The following TLR7 variants were observed in gnomAD, a reference collection of about 807,000 sequenced individuals.
The protein encoded by TLR7 is toll like receptor 7.
A neutral mutation model predicts 38.3 loss-of-function variants in TLR7; 12 were observed. The observed-to-expected ratio is 0.31, with a 90% CI of 0.20 to 0.51. The LOEUF is 0.51. TLR7 is among the 20% of genes least tolerant of loss of function. TLR7 has a pLI of 0.98. For synonymous variants in TLR7, 285 were observed against 293.8 expected, an observed-to-expected ratio of 0.97 and a Z score of 0.31; for missense variants, 504 against 743.4, an observed-to-expected ratio of 0.68 and a Z score of 3.74.
intron 2 of TLR7, among the ~76,000 whole-genome samples, chrX:12,884,127 T>C (rs755310192): frequency 8.4e-4 from 94 of 111,249 alleles, no homozygotes; most frequent in African/African-American, 3.0e-3. Context: ...TACAGTTGTG[T>C]GCCACCATGC....
rs1477540671 is a variant in TLR7, at chrX:12,886,614, T to A, written c.1106T>A (p.Leu369Gln). 8.3e-7 allele frequency: 1 copy of A among 1,210,666 alleles called. No homozygotes were observed. Among genetic ancestry groups the A allele is most frequent in the Non-Finnish European group, 1.1e-6 (1 of 895,409 alleles). ...AATCTATCACAAGCATTTTCTTCAC[T>A]GAAAAGCCTGAAAATTCTGCGGATC... ...SMNLSQAFSS[L>Q]KSLKILRIRG... is the part of the protein sequence containing the mutation. Residue 369 changes from leucine to glutamine, a missense_variant, in exon 3 of 3, where the codon CTG becomes CAG. Coordinates refer to ENST00000380659, the MANE Select transcript of TLR7 (RefSeq NM_016562.4).
chrX:12,885,586 G>A lies in TLR7; in HGVS notation c.78G>A (p.Gly26=). The A allele has an allele frequency of 8.3e-7, 1 of 1,210,857 alleles. No individual in the cohort carries two copies. The highest frequency in any genetic ancestry group is 1.1e-6 in the Non-Finnish European group (1 of 894,878). ...TAATCCTAATTTCCAAACTCCTTGG[G>A]GCTAGATGGTTTCCTAAAACTCTGC... The part of the protein sequence containing the change: ...FNIILISKLL[G]ARWFPKTLPC... The change falls in exon 3 of 3, where the codon GGG becomes GGA. Residue 26 remains glycine, a synonymous_variant. Transcript: ENST00000380659.
chrX:12,870,069 T>C (rs2042847280), intron 2 of TLR7, among the ~76,000 whole-genome samples: 1 of 110,806 alleles, frequency 9.0e-6, no homozygotes, highest in Non-Finnish European at 1.9e-5. Context: ...AGATGCTCAC[T>C]AAATGTTGGA....
rs1437151164 is a variant in TLR7, at chrX:12,885,568, A to G, written c.60A>G (p.Leu20=). ...RQILILFNII[L]ISKLLGARWF... is the part of the protein sequence containing the mutation. ...TTCTTATCCTTTTTAACATAATCCT[A>G]ATTTCCAAACTCCTTGGGGCTAGAT... The change falls in exon 3 of 3, where the codon CTA becomes CTG. Residue 20 remains leucine (L), a synonymous_variant. Transcript: ENST00000380659. 3 of 1,208,084 alleles carry G rather than the reference A, an allele frequency of 2.5e-6. No homozygotes were observed. The East Asian group carries it at 8.9e-5, about 36-fold the overall frequency.
In TLR7 at chrX:12,869,637, G is replaced by A. The variant is rs1159466636; in HGVS notation, c.3+2056G>A. Among the ~76,000 whole-genome samples the A allele has an allele frequency of 2.7e-5, 3 of 110,262 alleles. No individual in the cohort carries two copies. In the East Asian group the frequency reaches 8.5e-4, roughly 31 times the overall value. ...TTAGGGTAAAAAGCTAATGCATGCT[G>A]GGCTTAATACCTAGGTGATGGGTTG... On this transcript the variant is annotated intron_variant, in intron 2 of 2. Coordinates refer to ENST00000380659, the MANE Select transcript of TLR7 (RefSeq NM_016562.4).
Position 12,867,497 on chromosome X carries a change from C to A in TLR7, c.-82C>A. The A allele has an allele frequency of 1.1e-6, 1 of 902,956 alleles. No homozygotes were observed. The highest frequency in any genetic ancestry group is 2.0e-5 in the African/African-American group (1 of 51,265). 74.4% of individuals were successfully genotyped at this position (902,956 alleles called of 1,213,427 possible). A position where few individuals can be genotyped will look rare whatever the true frequency, so the allele number is the denominator to read the frequency against. ...TTCTCTTAGTTGATGCTATTGGGCC[C>A]ATCTCAAGCTGATCTTGGCACCTCT... On this transcript the variant is annotated 5_prime_UTR_variant, in exon 2 of 3. Coordinates refer to ENST00000380659, the MANE Select transcript of TLR7 (RefSeq NM_016562.4).
In TLR7 at chrX:12,886,571, G is replaced by A. The variant is rs922684733; in HGVS notation, c.1063G>A (p.Val355Ile). 5.0e-6 allele frequency: 6 copies of A among 1,210,008 alleles called. No homozygotes were observed. The highest frequency in any genetic ancestry group is 5.6e-6 in the Non-Finnish European group (5 of 895,233). The change falls in exon 3 of 3, where the codon GTC becomes ATC. Residue 355 changes from valine (V) to isoleucine (I), a missense_variant. Physicochemically the swap from Val to Ile is conservative, Grantham distance 29. Coordinates refer to ENST00000380659, the MANE Select transcript of TLR7 (RefSeq NM_016562.4). ...LDLSFNFELQVYRASMNLSQA... is the reference protein window; with the variant it reads ...LDLSFNFELQIYRASMNLSQA... ...TCTGTCTTTCAATTTTGAACTTCAG[G>A]TCTATCGTGCATCTATGAATCTATC...
chrX:12,880,541 T>C (rs1042670657), intron 2 of TLR7, among the ~76,000 whole-genome samples: 1 of 112,126 alleles, frequency 8.9e-6, no homozygotes, highest in Non-Finnish European at 1.9e-5. Flanking sequence ...CCCCAAGGAA[T>C]CCCTGGGCAG....
intron 2 of TLR7, among the ~76,000 whole-genome samples, chrX:12,879,424 G>A (rs1179489724): frequency 8.9e-6 from 1 of 112,059 alleles, no homozygotes; most frequent in Non-Finnish European, 1.9e-5. Flanking sequence ...CATTGGCTTA[G>A]CATAACAATT....
intron 2 of TLR7, among the ~76,000 whole-genome samples, chrX:12,873,043 A>G (rs942510338): frequency 3.6e-5 from 4 of 110,479 alleles, no homozygotes; most frequent in African/African-American, 1.3e-4. Context: ...TTCATCTCCT[A>G]TTGTTCTCCT....
At chrX:12,880,207 T>A (rs2042886535) in intron 2 of TLR7, among the ~76,000 whole-genome samples, 1 of 112,100 alleles carries the variant, frequency 8.9e-6, no homozygotes, top group Admixed American at 9.4e-5. Flanking sequence ...TAGATACATA[T>A]TAGAATTCTA....
intron 2 of TLR7, among the ~76,000 whole-genome samples, chrX:12,876,396 GAC>G (rs1285421427): frequency 3.6e-5 from 4 of 112,522 alleles, no homozygotes; most frequent in African/African-American, 6.5e-5. Flanking sequence ...TCAAAATGCA[GAC>G]ACACATTATA....
intron 2 of TLR7, among the ~76,000 whole-genome samples, chrX:12,874,669 C>T (rs1299474113): frequency 8.9e-6 from 1 of 112,138 alleles, no homozygotes; most frequent in Admixed American, 9.5e-5. Context: ...AGTTGGTAGC[C>T]CTGTAGCAGA....
In TLR7 at chrX:12,889,691, C is replaced by T. The variant is rs1275930684; in HGVS notation, c.*1033C>T. On this transcript the variant is annotated 3_prime_UTR_variant, in exon 3 of 3. Transcript: ENST00000380659. Reference sequence around the variant, plus strand: ...TTCTCTACCTTTGATAATTTACCTGCTTAAATGTTTTTATCTGCACTGCAA... The same window carrying T: ...TTCTCTACCTTTGATAATTTACCTGTTTAAATGTTTTTATCTGCACTGCAA... 8.9e-6 allele frequency: 1 copy of T among 112,851 alleles called. No homozygotes were observed. The highest frequency in any genetic ancestry group is 3.2e-5 in the African/African-American group (1 of 31,132). 9.3% of individuals were successfully genotyped at this position (112,851 alleles called of 1,213,427 possible).
chrX:12,878,913 T>G (rs948316761), intron 2 of TLR7, among the ~76,000 whole-genome samples: 2 of 112,265 alleles, frequency 1.8e-5, no homozygotes, highest in African/African-American at 6.5e-5. Flanking sequence ...TTTGTCTGTA[T>G]CCATTAAATC....
Position 12,888,397 on chromosome X carries a change from G to C in TLR7, c.2889G>C (p.Lys963Asn). ...TTGTGATGACAGACAAGTATGCAAAGACTGAAAATTTTAAGATAGCATTTT... is the reference window on the plus strand; with the variant it reads ...TTGTGATGACAGACAAGTATGCAAACACTGAAAATTTTAAGATAGCATTTT... Reference protein sequence around the residue: ...TVFVMTDKYAKTENFKIAFYL... With the variant: ...TVFVMTDKYANTENFKIAFYL... Residue 963 changes from lysine (K) to asparagine (N), a missense_variant, in exon 3 of 3, where the codon AAG becomes AAC. Transcript: ENST00000380659. 8.3e-7 allele frequency: 1 copy of C among 1,212,024 alleles called. No homozygotes were observed. Among genetic ancestry groups the C allele is most frequent in the Non-Finnish European group, 1.1e-6 (1 of 895,559 alleles).
chrX:12,886,525 C>T lies in TLR7; in HGVS notation c.1017C>T (p.Leu339=), dbSNP rs2042912419. 8 of 1,211,833 alleles carry T rather than the reference C, an allele frequency of 6.6e-6. No homozygotes were observed. In the East Asian group the frequency reaches 2.4e-4, roughly 36 times the overall value. ...EIGDAKFLHF[L]PSLIQLDLSF... ...GGGATGCTAAATTTCTGCATTTTCT[C>T]CCCAGCCTCATCCAATTGGATCTGT... The change falls in exon 3 of 3, where the codon CTC becomes CTT. Residue 339 remains leucine, a synonymous_variant. Transcript: ENST00000380659.
At position 12,890,018 on chromosome X, in the gene TLR7, C is replaced by A. The variant is rs1229543515; in HGVS notation, c.*1360C>A. ...AGTTTTGAACTTCAGCTATCAGATT[C>A]AAAAACAACAGAAAGAACCAAGACA... On this transcript the variant is annotated 3_prime_UTR_variant, in exon 3 of 3. Transcript: ENST00000380659. 8.9e-6 allele frequency: 1 copy of A among 112,650 alleles called. No homozygotes were observed. The highest frequency in any genetic ancestry group is 3.2e-5 in the African/African-American group (1 of 30,996). The allele number at this position is 112,650 out of a possible 1,213,427, so 9.3% of individuals were successfully genotyped here.
In TLR7 at chrX:12,887,420, G is replaced by A. The variant is rs748065199; in HGVS notation, c.1912G>A (p.Gly638Ser). 8.3e-7 allele frequency: 1 copy of A among 1,207,674 alleles called. No homozygotes were observed. Among genetic ancestry groups the A allele is most frequent in the South Asian group, 1.8e-5 (1 of 56,513 alleles). Residue 638 changes from glycine (G) to serine (S), a missense_variant, in exon 3 of 3, where the codon GGT becomes AGT. Gly to Ser is a moderately conservative substitution (Grantham distance 56). Transcript: ENST00000380659. ...TCACTTAGATGTTTTATGGAGAGAA[G>A]GTGATAACAGATACTTACAATTATT... ...GNHLDVLWREGDNRYLQLFKN... is the reference protein window; with the variant it reads ...GNHLDVLWRESDNRYLQLFKN...
Sources: allele counts gnomAD v4.1 joint callset (sites outside exome capture counted in the v4.1 genomes callset), GRCh38; gene constraint gnomAD v4.1.1; transcripts MANE v1.5; gene names NCBI Gene and HGNC (gene_info 2026-07-23, HGNC 2026-07-21).